Variants in ZKSCAN5 observed in about 807,000 individuals in gnomAD.
ZKSCAN5 encodes zinc finger protein with KRAB and SCAN domains 5.
A neutral mutation model predicts 60.0 loss-of-function variants in ZKSCAN5; 28 were observed. The observed-to-expected ratio is 0.47, with a 90% CI of 0.35 to 0.64. The LOEUF (loss-of-function observed/expected upper bound fraction) is 0.64, where lower values mean the gene tolerates loss of function less well. ZKSCAN5 is among the 30% of genes least tolerant of loss of function. The pLI, the probability that ZKSCAN5 is intolerant of heterozygous loss-of-function variation, is 0.01. For missense variants in ZKSCAN5, 881 were observed against 1,034.6 expected (o/e 0.85, Z 2.04); for synonymous variants, 361 against 371.2 (o/e 0.97, Z 0.31).
At chr7:99,520,366 T>C (rs1326940121) in intron 5 of ZKSCAN5, 62 bp downstream of exon 5, 1 of 1,512,090 alleles carries the variant, frequency 6.6e-7, no homozygotes, top group Non-Finnish European at 8.8e-7. Flanking sequence ...GTAAAGAGTA[T>C]TTCTGGCTCA....
At chr7:99,509,761 C>T (rs962650788) in intron 2 of ZKSCAN5, among the ~76,000 whole-genome samples, 4 of 152,140 alleles carry the variant, frequency 2.6e-5, no homozygotes, top group Admixed American at 6.6e-5. Flanking sequence ...CCACTGTGCC[C>T]GGCCACAGCA....
intron 3 of ZKSCAN5, among the ~76,000 whole-genome samples, chr7:99,517,478 C>G (rs895352095): frequency 1.3e-5 from 2 of 152,112 alleles, no homozygotes; most frequent in Admixed American, 6.5e-5. Flanking sequence ...ACCAGGAGTT[C>G]AAGACCAGCC....
At chr7:99,512,626 T>C (rs758235872) in intron 3 of ZKSCAN5, 35 bp downstream of exon 3, 164 of 1,603,268 alleles carry the variant, frequency 1.0e-4, no homozygotes, top group Non-Finnish European at 1.4e-4. Context: ...CTGATATAGC[T>C]CAAGAGTGGG....
At chr7:99,527,144 A>G (rs1414111466) in intron 6 of ZKSCAN5, among the ~76,000 whole-genome samples, 1 of 152,182 alleles carries the variant, frequency 6.6e-6, no homozygotes, top group Non-Finnish European at 1.5e-5. Flanking sequence ...ACCCTGGGCA[A>G]CATAGCAAGA....
intron 2 of ZKSCAN5, among the ~76,000 whole-genome samples, chr7:99,506,931 C>T (rs912484202): frequency 1.3e-5 from 2 of 151,086 alleles, no homozygotes; most frequent in African/African-American, 4.9e-5. Context: ...CTCCTGACCT[C>T]GTGATCCTCC....
At position 99,533,393 on chromosome 7, in the gene ZKSCAN5, T is replaced by TG. The variant is rs564047009; in HGVS notation, c.*1145dup. On this transcript the variant is annotated 3_prime_UTR_variant, in exon 7 of 7. Transcript: ENST00000326775. The stretch of plus-strand genomic sequence containing the variant: ...AGAGTGAGTGAGTGCTCTTGGGCAC[T>TG]GCTCAGGCCGTTTCTGCTGACTTGC... 17 of 547,936 alleles carry TG rather than the reference T, an allele frequency of 3.1e-5. No individual in the cohort carries two copies. Among genetic ancestry groups the TG allele is most frequent in the Non-Finnish European group, 5.6e-5 (17 of 301,396 alleles). 33.9% of individuals were successfully genotyped at this position (547,936 alleles called of 1,614,324 possible).
intron 3 of ZKSCAN5, among the ~76,000 whole-genome samples, chr7:99,518,580 T>A (rs1801372662): frequency 1.3e-5 from 2 of 151,888 alleles, no homozygotes; most frequent in Non-Finnish European, 2.9e-5. Flanking sequence ...AGCCCTGGAC[T>A]GTTAGGAATG....
chr7:99,518,353 G>A (rs542637969), intron 3 of ZKSCAN5, among the ~76,000 whole-genome samples: 11 of 151,880 alleles, frequency 7.2e-5, no homozygotes, highest in East Asian at 3.9e-4. Context: ...CCCAGGAGGC[G>A]GAGGTTGCAG....
In ZKSCAN5 at chr7:99,533,007, G is replaced by T. The variant is rs868524386; in HGVS notation, c.*758G>T. 1 of 213,372 alleles carries T rather than the reference G, an allele frequency of 4.7e-6. No homozygotes were observed. The highest frequency in any genetic ancestry group is 2.2e-5 in the African/African-American group (1 of 44,770). 13.2% of individuals were successfully genotyped at this position (213,372 alleles called of 1,614,324 possible). A position where few individuals can be genotyped will look rare whatever the true frequency, so the allele number is the denominator to read the frequency against. On this transcript the variant is annotated 3_prime_UTR_variant, in exon 7 of 7. Coordinates refer to ENST00000326775, the MANE Select transcript of ZKSCAN5 (RefSeq NM_145102.4). ...TGGTCAGTCACATCTTACGGCGAAGGGAGAGGGACCTTAGGGGAGCAGAGA... is the reference window on the plus strand; with the variant it reads ...TGGTCAGTCACATCTTACGGCGAAGTGAGAGGGACCTTAGGGGAGCAGAGA...
chr7:99,523,606 A>AATC (rs1801643130), intron 5 of ZKSCAN5, among the ~76,000 whole-genome samples: 1 of 143,002 alleles, frequency 7.0e-6, no homozygotes, highest in African/African-American at 2.5e-5. Flanking sequence ...ACCCAGTCTC[A>AATC]AATCAATCAA....
At position 99,532,116 on chromosome 7, in the gene ZKSCAN5, C is replaced by G. The variant is rs1802079625; in HGVS notation, c.2387C>G (p.Thr796Ser). Residue 796 changes from threonine (T) to serine (S), a missense_variant, in exon 7 of 7, where the codon ACT becomes AGT. Thr to Ser is a moderately conservative substitution (Grantham distance 58, BLOSUM62 1). Coordinates refer to ENST00000326775, the MANE Select transcript of ZKSCAN5 (RefSeq NM_145102.4). ...SHLNQHQRIHTGEKPFQCKEC... is the reference protein window; with the variant it reads ...SHLNQHQRIHSGEKPFQCKEC... ...CTTAATCAACATCAGAGAATCCATA[C>G]TGGTGAGAAACCTTTTCAATGTAAA... The G allele has an allele frequency of 1.2e-6, 2 of 1,614,144 alleles. No homozygotes were observed. The highest frequency in any genetic ancestry group is 4.5e-5 in the East Asian group (2 of 44,880).
chr7:99,519,481 T>C (rs1801422451), intron 3 of ZKSCAN5, among the ~76,000 whole-genome samples: 1 of 152,036 alleles, frequency 6.6e-6, no homozygotes, highest in Admixed American at 6.5e-5. Flanking sequence ...TTTTGCCTTG[T>C]TGGCCAGGAT....
intron 2 of ZKSCAN5, among the ~76,000 whole-genome samples, chr7:99,508,951 G>A (rs1387165541): frequency 2.0e-5 from 3 of 151,576 alleles, no homozygotes; most frequent in African/African-American, 7.3e-5. Flanking sequence ...TGGGATTACA[G>A]GCATGTGCCA....
intron 2 of ZKSCAN5, among the ~76,000 whole-genome samples, chr7:99,507,590 T>C (rs1353189367): frequency 1.3e-5 from 2 of 148,904 alleles, no homozygotes; most frequent in Admixed American, 6.8e-5. Flanking sequence ...TATTTATGTG[T>C]GTGTGTATAT....
At chr7:99,520,111 C>A (rs1225179857) in intron 4 of ZKSCAN5, 58 bp from the exon 5 acceptor site, 1 of 1,596,902 alleles carries the variant, frequency 6.3e-7, no homozygotes, top group East Asian at 2.2e-5. Flanking sequence ...CCAGTTCTTC[C>A]CCTCACTCCA....
intron 6 of ZKSCAN5, among the ~76,000 whole-genome samples, chr7:99,526,923 C>T (rs1488384747): frequency 2.6e-5 from 4 of 152,202 alleles, no homozygotes; most frequent in African/African-American, 4.8e-5. Flanking sequence ...TTAGTTGGCT[C>T]ATCAATTTTA....
Position 99,512,339 on chromosome 7 carries a change from A to G in ZKSCAN5, c.415-114A>G, listed in dbSNP as rs1259551872. The stretch of plus-strand genomic sequence containing the variant: ...GCATAATCAGTGCGTGGCTCATTGT[A>G]GATGCACATTAAATATTTGGCAAAG... On this transcript the variant is annotated intron_variant, in intron 2 of 6. Coordinates refer to ENST00000326775, the MANE Select transcript of ZKSCAN5 (RefSeq NM_145102.4). 3 of 1,354,410 alleles carry G rather than the reference A, an allele frequency of 2.2e-6. No individual in the cohort carries two copies. In the African/African-American group the frequency reaches 4.4e-5, roughly 20 times the overall value. 83.9% of individuals were successfully genotyped at this position (1,354,410 alleles called of 1,614,324 possible).
At chr7:99,530,663 G>C (rs988791602) in intron 6 of ZKSCAN5, among the ~76,000 whole-genome samples, 44 of 152,078 alleles carry the variant, frequency 2.9e-4, no homozygotes, top group African/African-American at 1.0e-3. Flanking sequence ...TTACATTCCT[G>C]TTGGCATCAA....
At position 99,525,939 on chromosome 7, in the gene ZKSCAN5, G is replaced by T; in HGVS notation, c.899G>T (p.Ser300Ile). ...CAGGATCCAGACTTTGCAGAAGTCA[G>T]TGACCTTAAAGGCATGGTACAAAGG... ...VPQDPDFAEV[S>I]DLKGMVQRWQ... Residue 300 changes from serine (S) to isoleucine (I), a missense_variant, in exon 6 of 7, where the codon AGT (serine) becomes ATT (isoleucine). Coordinates refer to ENST00000326775, the MANE Select transcript of ZKSCAN5 (RefSeq NM_145102.4). 6.2e-7 allele frequency: 1 copy of T among 1,614,104 alleles called. No homozygotes were observed. Among genetic ancestry groups the T allele is most frequent in the East Asian group, 2.2e-5 (1 of 44,856 alleles).
Sources: allele counts gnomAD v4.1 joint callset (sites outside exome capture counted in the v4.1 genomes callset), GRCh38; gene constraint gnomAD v4.1.1; transcripts MANE v1.5; gene names NCBI Gene and HGNC (gene_info 2026-07-23, HGNC 2026-07-21).